TCERG1L: variants seen among roughly 807,000 people sequenced by gnomAD.
TCERG1L encodes transcription elongation regulator 1 like, also known as transcription elongation regulator 1-like protein.
TCERG1L carries 37 observed loss-of-function variants against 56.3 expected under a neutral mutation model. The observed-to-expected ratio is 0.66, with a 90% CI of 0.51 to 0.87. The LOEUF (loss-of-function observed/expected upper bound fraction) is 0.87, where lower values mean the gene tolerates loss of function less well. Ranked by LOEUF, TCERG1L falls within the 40% of genes least tolerant of loss-of-function variation. The pLI is 0.00. For synonymous variants in TCERG1L, 324 were observed against 326.3 expected (o/e 0.99, Z 0.08); for missense variants, 799 against 774.2 (o/e 1.03, Z -0.38).
chr10:131,225,762 C>G (rs943062674), intron 4 of TCERG1L, among the ~76,000 whole-genome samples: 2 of 152,042 alleles, frequency 1.3e-5, no homozygotes, highest in Non-Finnish European at 2.9e-5. Flanking sequence ...TCCCTGCACA[C>G]AGCGATGCCC....
intron 6 of TCERG1L, 196 bp downstream of exon 6, chr10:131,162,926 A>T (rs1276875524): frequency 9.2e-5 from 47 of 512,632 alleles, no homozygotes; most frequent in Non-Finnish European, 1.2e-4. Flanking sequence ...AGGATAGCTC[A>T]TCGCTTAAAT....
rs141506526 is a variant in TCERG1L at position 131,154,882 on chromosome 10, G to A, written c.1035-8222C>T. ...GCAGCCTGGGCCAGGCACCTGCCGC[G>A]TGACTGTGTGGCCTCTCCGCTTCGG... On this transcript the variant is annotated intron_variant, in intron 6 of 11. Coordinates refer to ENST00000368642, the MANE Select transcript of TCERG1L (RefSeq NM_174937.4). Among the ~76,000 whole-genome samples, 370 of 152,346 alleles carry A rather than the reference G, an allele frequency of 2.4e-3. 2 individuals carry two copies. In the South Asian group the frequency reaches 0.029, roughly 12 times the overall value.
chr10:131,142,679 G>A (rs915616755), intron 7 of TCERG1L, among the ~76,000 whole-genome samples: 1 of 152,104 alleles, frequency 6.6e-6, no homozygotes, highest in Non-Finnish European at 1.5e-5. Context: ...CATCAGACCC[G>A]CCGGGGTGCA....
rs147928205 is a variant in TCERG1L, at chr10:131,145,390, C to G, written c.1189+1116G>C. ...ATTCAATCTTCATTGTCTGTAAATA[C>G]AGCAACGTTTTACAGACTCAACTCC... is the stretch of plus-strand genomic sequence containing the variant. On this transcript the variant is annotated intron_variant, in intron 7 of 11. Coordinates refer to ENST00000368642, the MANE Select transcript of TCERG1L (RefSeq NM_174937.4). Among the ~76,000 whole-genome samples, 17 of 152,310 alleles carry G rather than the reference C, an allele frequency of 1.1e-4. No individual in the cohort carries two copies. In the East Asian group the frequency reaches 3.3e-3, roughly 29 times the overall value.
At chr10:131,247,270 A>G (rs1205458573) in intron 4 of TCERG1L, among the ~76,000 whole-genome samples, 1 of 152,202 alleles carries the variant, frequency 6.6e-6, no homozygotes, top group Non-Finnish European at 1.5e-5. Context: ...GCATGTGTAT[A>G]TTAGTTTCCA....
intron 11 of TCERG1L, among the ~76,000 whole-genome samples, chr10:131,096,341 T>G (rs535588509): frequency 6.6e-6 from 1 of 152,322 alleles, no homozygotes; most frequent in Admixed American, 6.5e-5. Context: ...AACCCAGCAT[T>G]CTCATGACTG....
chr10:131,191,381 T>C (rs1319922882), intron 4 of TCERG1L, among the ~76,000 whole-genome samples: 1 of 143,488 alleles, frequency 7.0e-6, no homozygotes, highest in Non-Finnish European at 1.5e-5. Flanking sequence ...GAAAAAACAA[T>C]TCTAAAATTC....
intron 4 of TCERG1L, among the ~76,000 whole-genome samples, chr10:131,172,685 G>A (rs753766101): frequency 6.6e-5 from 10 of 152,172 alleles, no homozygotes; most frequent in Non-Finnish European, 1.0e-4. Flanking sequence ...CTGTCCAGTC[G>A]CCTCCATTCT....
chr10:131,283,764 G>A (rs1846489890), intron 3 of TCERG1L, among the ~76,000 whole-genome samples: 1 of 152,162 alleles, frequency 6.6e-6, no homozygotes, highest in Non-Finnish European at 1.5e-5. Context: ...CATAAATGAA[G>A]AGAGACTTAG....
chr10:131,134,510 C>T (rs1013535894), intron 7 of TCERG1L, 62 bp from the exon 8 acceptor site: 24 of 1,271,178 alleles, frequency 1.9e-5, no homozygotes, highest in Middle Eastern at 3.6e-4. Context: ...GGCAAAACCA[C>T]CAGGTGACAC....
intron 4 of TCERG1L, among the ~76,000 whole-genome samples, chr10:131,244,754 C>T (rs1017940727): frequency 2.6e-5 from 4 of 152,162 alleles, no homozygotes; most frequent in African/African-American, 7.2e-5. Context: ...AAGAGTTTTA[C>T]CTGTGGACGA....
chr10:131,158,863 C>T lies in TCERG1L; in HGVS notation c.1034+4259G>A, dbSNP rs796634794. Among the ~76,000 whole-genome samples the T allele has an allele frequency of 9.2e-5, 14 of 152,312 alleles. 2 individuals carry two copies. Among genetic ancestry groups the T allele is most frequent in the Middle Eastern group, 3.4e-3 (1 of 294 alleles). ...GGGGAGCGAGCTCTGGGCTTGGCCG[C>T]GAGAGGGAGGAGAGTCAGCGGAGCC... is the stretch of plus-strand genomic sequence containing the variant. On this transcript the variant is annotated intron_variant, in intron 6 of 11. Coordinates refer to ENST00000368642, the MANE Select transcript of TCERG1L (RefSeq NM_174937.4).
At position 131,309,436 on chromosome 10, in the gene TCERG1L, G is replaced by A. The variant is rs563826166; in HGVS notation, c.343-137C>T. 1.7e-4 allele frequency: 201 copies of A among 1,184,638 alleles called. 1 individual carries two copies. In the South Asian group the frequency reaches 2.7e-3, roughly 16 times the overall value. The allele number at this position is 1,184,638 out of a possible 1,614,324, so 73.4% of individuals were successfully genotyped here. The stretch of plus-strand genomic sequence containing the variant: ...ATTTGATTATCAGATAAATTTCCTC[G>A]AGAAAAACTATAAGTATGTACCAAT... On this transcript the variant is annotated intron_variant, in intron 1 of 11. Transcript: ENST00000368642.
intron 6 of TCERG1L, among the ~76,000 whole-genome samples, chr10:131,157,284 G>A (rs913794435): frequency 3.9e-5 from 6 of 152,116 alleles, no homozygotes; most frequent in Admixed American, 2.6e-4. Context: ...AACCTGCACT[G>A]TAGCAATCTG....
intron 8 of TCERG1L, among the ~76,000 whole-genome samples, chr10:131,127,867 C>T (rs1845579079): frequency 2.0e-5 from 3 of 152,214 alleles, no homozygotes; most frequent in East Asian, 1.9e-4. Context: ...AGAACCACCA[C>T]GGTCCCAGCC....
intron 8 of TCERG1L, among the ~76,000 whole-genome samples, chr10:131,132,062 T>C (rs185998587): frequency 2.5e-3 from 377 of 152,322 alleles, no homozygotes; most frequent in Admixed American, 5.2e-3. Context: ...CGATTCGCTC[T>C]GAGCAGGAGG....
At chr10:131,215,732 G>T (rs1175375265) in intron 4 of TCERG1L, among the ~76,000 whole-genome samples, 2 of 152,178 alleles carry the variant, frequency 1.3e-5, no homozygotes, top group African/African-American at 4.8e-5. Context: ...AATCACTAAG[G>T]ACAGGGAAGA....
At chr10:131,098,656 G>A (rs997046203) in intron 10 of TCERG1L, among the ~76,000 whole-genome samples, 4 of 152,276 alleles carry the variant, frequency 2.6e-5, no homozygotes, top group African/African-American at 9.6e-5. Context: ...ACATGCAGGC[G>A]CCATTTCTGG....
At chr10:131,113,010 G>A (rs1236990219) in intron 9 of TCERG1L, among the ~76,000 whole-genome samples, 2 of 142,468 alleles carry the variant, frequency 1.4e-5, no homozygotes, top group African/African-American at 4.9e-5. Flanking sequence ...CCGGGTAACT[G>A]TGGGTGAGCG....
Sources: gnomAD v4.1 joint callset for allele counts (sites outside exome capture counted in the v4.1 genomes callset) on GRCh38, gnomAD v4.1.1 for gene constraint, MANE v1.5 for transcripts, NCBI Gene and HGNC (gene_info 2026-07-23, HGNC 2026-07-21) for gene names.